The following FLOT2 variants were observed in gnomAD, a reference collection of about 807,000 sequenced individuals.
FLOT2 encodes flotillin-2.
FLOT2 carries 35 observed loss-of-function variants against 54.9 expected under a neutral mutation model. That is an observed-to-expected ratio of 0.64 (90% CI 0.49 to 0.84). The LOEUF (loss-of-function observed/expected upper bound fraction) is 0.84, where lower values mean the gene tolerates loss of function less well. Ranked by LOEUF, FLOT2 falls within the 40% of genes least tolerant of loss-of-function variation. The pLI is 0.00. For missense variants in FLOT2, 464 were observed against 572.1 expected, an observed-to-expected ratio of 0.81 and a Z score of 1.93; for synonymous variants, 207 against 228.9, an observed-to-expected ratio of 0.90 and a Z score of 0.86.
At chr17:28,888,086 G>A (rs1464651207) in intron 2 of FLOT2, among the ~76,000 whole-genome samples, 3 of 152,300 alleles carry the variant, frequency 2.0e-5, no homozygotes, top group East Asian at 1.9e-4. Flanking sequence ...TGGGGTGACC[G>A]ACCACCTTGC....
At position 28,880,797 on chromosome 17, in the gene FLOT2, G is replaced by A; in HGVS notation, c.1164C>T (p.Asn388=). The A allele has an allele frequency of 6.2e-7, 1 of 1,614,178 alleles. No individual in the cohort carries two copies. The highest frequency in any genetic ancestry group is 8.5e-7 in the Non-Finnish European group (1 of 1,180,032). Residue 388 remains asparagine (N), a synonymous_variant, in exon 10 of 11, where the codon AAC becomes AAT. Transcript: ENST00000394908. ...VDEIVVLSGD[N]SKVTSEVNRL... ...GGTTCACTTCTGATGTGACCTTACTGTTGTCTCCACTGAGGACCACAATCT... is the reference window on the plus strand; with the variant it reads ...GGTTCACTTCTGATGTGACCTTACTATTGTCTCCACTGAGGACCACAATCT...
Position 28,897,228 on chromosome 17 carries a change from G to C in FLOT2, c.49+298C>G, listed in dbSNP as rs991004414. Reference sequence around the variant, plus strand: ...TCCTGGAACCCCGCGGCTTCAGTTCGGGACCCCCAACCTCACAGTAGAGCG... The same window carrying C: ...TCCTGGAACCCCGCGGCTTCAGTTCCGGACCCCCAACCTCACAGTAGAGCG... On this transcript the variant is annotated intron_variant, in intron 1 of 10. Coordinates refer to ENST00000394908, the MANE Select transcript of FLOT2 (RefSeq NM_004475.3). The surrounding 1 kb of genome is among the most constrained non-coding windows in gnomAD (Gnocchi z 4.4). Among the ~76,000 whole-genome samples the C allele has an allele frequency of 1.1e-4, 16 of 152,256 alleles. No individual in the cohort carries two copies. Among genetic ancestry groups the C allele is most frequent in the Admixed American group, 8.5e-4 (13 of 15,294 alleles).
At position 28,881,950 on chromosome 17, in the gene FLOT2, C is replaced by T; in HGVS notation, c.778G>A (p.Glu260Lys). ...ATCTGTTTCTTGCGCTGCACAACCT[C>T]AATCTCAATCTCTTCCTGCCGGATC... Reference protein sequence around the residue: ...QKIRQEEIEIEVVQRKKQIAV... With the variant: ...QKIRQEEIEIKVVQRKKQIAV... Residue 260 changes from glutamate (E) to lysine (K), a missense_variant, in exon 8 of 11, where the codon GAG (glutamate) becomes AAG (lysine). Transcript: ENST00000394908. 1.2e-6 allele frequency: 2 copies of T among 1,614,136 alleles called. No individual in the cohort carries two copies. Among genetic ancestry groups the T allele is most frequent in the Non-Finnish European group, 1.7e-6 (2 of 1,180,054 alleles).
At chr17:28,892,272 C>T (rs1417092105) in intron 1 of FLOT2, among the ~76,000 whole-genome samples, 1 of 127,732 alleles carries the variant, frequency 7.8e-6, no homozygotes, top group African/African-American at 3.0e-5. Flanking sequence ...CCCCATGGGA[C>T]TTCTCAATGT....
In FLOT2 at chr17:28,881,326, T is replaced by G; in HGVS notation, c.964A>C (p.Ile322Leu). The G allele has an allele frequency of 6.2e-7, 1 of 1,613,812 alleles. No individual in the cohort carries two copies. Among genetic ancestry groups the G allele is most frequent in the East Asian group, 2.2e-5 (1 of 44,890 alleles). Residue 322 changes from isoleucine (I) to leucine (L), a missense_variant, in exon 9 of 11, where the codon ATC becomes CTC. Ile to Leu is a conservative substitution (Grantham distance 5). Transcript: ENST00000394908. The part of the protein sequence containing the change: ...AQAEAEKIRK[I>L]GEAEAAVIEA... ...ATGACTGCCGCTTCCGCCTCCCCGATTTTGCGGATCTTCTCAGCCTCTGCC... is the reference window on the plus strand; with the variant it reads ...ATGACTGCCGCTTCCGCCTCCCCGAGTTTGCGGATCTTCTCAGCCTCTGCC...
At chr17:28,886,065 G>C (rs944194919) in intron 2 of FLOT2, 1 of 596,206 alleles carries the variant, frequency 1.7e-6, no homozygotes, top group Non-Finnish European at 3.1e-6. Flanking sequence ...GGGCGGGGGG[G>C]GGCATGCTGT....
intron 8 of FLOT2, 61 bp downstream of exon 8, chr17:28,881,753 A>T: frequency 1.4e-6 from 2 of 1,429,910 alleles, no homozygotes; most frequent in Non-Finnish European, 2.0e-6. Context: ...GAGTAGAGGG[A>T]GTGCACTGAA....
At position 28,881,322 on chromosome 17, in the gene FLOT2, C is replaced by G; in HGVS notation, c.968G>C (p.Gly323Ala). 1 of 1,613,916 alleles carries G rather than the reference C, an allele frequency of 6.2e-7. No individual in the cohort carries two copies. The highest frequency in any genetic ancestry group is 8.5e-7 in the Non-Finnish European group (1 of 1,180,008). Residue 323 changes from glycine to alanine, a missense_variant, in exon 9 of 11, where the codon GGG becomes GCG. By Grantham distance (60) the Gly-to-Ala change is moderately conservative. Transcript: ENST00000394908. The stretch of plus-strand genomic sequence containing the variant: ...CTCGATGACTGCCGCTTCCGCCTCC[C>G]CGATTTTGCGGATCTTCTCAGCCTC... ...QAEAEKIRKI[G>A]EAEAAVIEAM...
chr17:28,896,540 G>C (rs1233959365), intron 1 of FLOT2, among the ~76,000 whole-genome samples: 1 of 152,152 alleles, frequency 6.6e-6, no homozygotes, highest in Non-Finnish European at 1.5e-5. Flanking sequence ...GAGATCCAAA[G>C]TGAGCCTGAA....
chr17:28,885,925 T>C (rs2039533762), intron 2 of FLOT2: 14 of 1,550,248 alleles, frequency 9.0e-6, no homozygotes, highest in Non-Finnish European at 8.7e-6. Context: ...CGACACAGGA[T>C]GGTCATAACC....
At position 28,882,992 on chromosome 17, in the gene FLOT2, G is replaced by A; in HGVS notation, c.346+116C>T. The A allele has an allele frequency of 9.0e-7, 1 of 1,116,902 alleles. No individual in the cohort carries two copies. Among genetic ancestry groups the A allele is most frequent in the South Asian group, 1.5e-5 (1 of 67,964 alleles). The allele number at this position is 1,116,902 out of a possible 1,614,324, so 69.2% of individuals were successfully genotyped here. A position where few individuals can be genotyped will look rare whatever the true frequency, so the allele number is the denominator to read the frequency against. On this transcript the variant is annotated intron_variant, in intron 4 of 10. Transcript: ENST00000394908. The surrounding 1 kb of genome is among the most constrained non-coding windows in gnomAD (Gnocchi z 5.6). ...GAAGTTTTGAAATTAAATATTTGAG[G>A]AAAAGTGTTTTAGCTTGAAACTCCT...
In FLOT2 at chr17:28,883,153, T is replaced by G; in HGVS notation, c.301A>C (p.Asn101His). 1 of 1,613,956 alleles carries G rather than the reference T, an allele frequency of 6.2e-7. No individual in the cohort carries two copies. The highest frequency in any genetic ancestry group is 1.7e-5 in the Admixed American group (1 of 60,004). The change falls in exon 4 of 11, where the codon AAC becomes CAC. Residue 101 changes from asparagine to histidine, a missense_variant. Physicochemically the swap from Asn to His is moderately conservative, Grantham distance 68 (BLOSUM62 1). Coordinates refer to ENST00000394908, the MANE Select transcript of FLOT2 (RefSeq NM_004475.3). This position sits in a 1 kb window ranked among gnomAD's most constrained non-coding sequence, Gnocchi z 5.0. ...CCCTCCAGGGTCTGCAGGACGACGT[T>G]TTTGATGTCCTGCACATTCTTACCC... ...FLGKNVQDIK[N>H]VVLQTLEGHL...
chr17:28,882,545 G>C lies in FLOT2; in HGVS notation c.465+28C>G. On this transcript the variant is annotated intron_variant, in intron 5 of 10. Coordinates refer to ENST00000394908, the MANE Select transcript of FLOT2 (RefSeq NM_004475.3). This position sits in a 1 kb window ranked among gnomAD's most constrained non-coding sequence, Gnocchi z 5.6. ...GCCACCATCTCCCAGATGGACGCCAGGAGATACAGCTTCCCATCACGTCGT... is the reference window on the plus strand; with the variant it reads ...GCCACCATCTCCCAGATGGACGCCACGAGATACAGCTTCCCATCACGTCGT... 6.3e-7 allele frequency: 1 copy of C among 1,586,354 alleles called. No individual in the cohort carries two copies. Among genetic ancestry groups the C allele is most frequent in the Non-Finnish European group, 8.7e-7 (1 of 1,154,730 alleles).
In FLOT2 at chr17:28,882,690, C is replaced by T. The variant is rs2152646588; in HGVS notation, c.348G>A (p.Gly116=). 3 of 1,607,784 alleles carry T rather than the reference C, an allele frequency of 1.9e-6. No individual in the cohort carries two copies. Among genetic ancestry groups the T allele is most frequent in the East Asian group, 2.2e-5 (1 of 44,838 alleles). Residue 116 remains glycine (G), a splice_region_variant and synonymous_variant, in exon 5 of 11, where the codon GGG becomes GGA. Coordinates refer to ENST00000394908, the MANE Select transcript of FLOT2 (RefSeq NM_004475.3). The surrounding 1 kb of genome is among the most constrained non-coding windows in gnomAD (Gnocchi z 5.6). ...GATAAATCTGCTCCACTGTCAGGGT[C>T]CCTGGGGGCAGAGGGATCAAGGGCT... ...TLEGHLRSIL[G]TLTVEQIYQD... is the part of the protein sequence containing the mutation.
Position 28,881,395 on chromosome 17 carries a change from T to A in FLOT2, c.915-20A>T. 1 of 1,606,606 alleles carries A rather than the reference T, an allele frequency of 6.2e-7. No individual in the cohort carries two copies. The highest frequency in any genetic ancestry group is 8.5e-7 in the Non-Finnish European group (1 of 1,179,446). On this transcript the variant is annotated intron_variant, in intron 8 of 10. Coordinates refer to ENST00000394908, the MANE Select transcript of FLOT2 (RefSeq NM_004475.3). ...TTCACCCTGGGGGAGCCCAGGCCAG[T>A]TAGGATCAGTGGGACGTACCAGGGT...
Position 28,886,589 on chromosome 17 carries a change from CA to C in FLOT2, c.132-2275del, listed in dbSNP as rs1474802753. Among the ~76,000 whole-genome samples the C allele has an allele frequency of 3.9e-5, 6 of 152,264 alleles. No individual in the cohort carries two copies. In the East Asian group the frequency reaches 1.2e-3, roughly 29 times the overall value. On this transcript the variant is annotated intron_variant, in intron 2 of 10. Coordinates refer to ENST00000394908, the MANE Select transcript of FLOT2 (RefSeq NM_004475.3). ...TTAATTGGGAATTTCCAAAGTTGGC[CA>C]GGGGCAGAGAGAAGATTATTGGCAA...
chr17:28,880,962 A>G lies in FLOT2; in HGVS notation c.1099-100T>C, dbSNP rs1018644100. ...CCTTCCTTAACTCACTCCAACCCCA[A>G]AGCAGCCTGGGTGGCCCTTAGTCTC... On this transcript the variant is annotated intron_variant, in intron 9 of 10. Coordinates refer to ENST00000394908, the MANE Select transcript of FLOT2 (RefSeq NM_004475.3). The G allele has an allele frequency of 2.4e-5, 35 of 1,440,736 alleles. No homozygotes were observed. In the African/African-American group the frequency reaches 4.3e-4, roughly 18 times the overall value. The allele number at this position is 1,440,736 out of a possible 1,614,324, so 89.2% of individuals were successfully genotyped here.
intron 2 of FLOT2, chr17:28,885,668 T>C (rs962696849): frequency 1.4e-6 from 1 of 717,592 alleles, no homozygotes; most frequent in Non-Finnish European, 2.6e-6. Flanking sequence ...TGCAGTCCAA[T>C]AGGCAAGGGC....
In FLOT2 at chr17:28,889,030, G is replaced by C; in HGVS notation, c.50-4C>G. The C allele has an allele frequency of 1.2e-6, 2 of 1,613,866 alleles. No homozygotes were observed. The highest frequency in any genetic ancestry group is 1.3e-5 in the African/African-American group (1 of 75,028). On this transcript the variant is annotated splice_polypyrimidine_tract_variant and splice_region_variant and intron_variant, in intron 1 of 10. Transcript: ENST00000394908. ...TAGTCGGAACCACAACAGCCCCCTGGGGAGCAAAGCAAACCACCGCAAGTC... is the reference window on the plus strand; with the variant it reads ...TAGTCGGAACCACAACAGCCCCCTGCGGAGCAAAGCAAACCACCGCAAGTC...
Sources: allele counts gnomAD v4.1 joint callset (sites outside exome capture counted in the v4.1 genomes callset), GRCh38; gene constraint gnomAD v4.1.1; non-coding constraint Gnocchi (gnomAD v3.1); transcripts MANE v1.5; gene names NCBI Gene and HGNC (gene_info 2026-07-23, HGNC 2026-07-21).